The following STRADA variants were observed in gnomAD, a reference collection of about 807,000 sequenced individuals.
STRADA encodes STE20-related kinase adapter protein alpha.
In STRADA, 26 loss-of-function variants were observed where a neutral mutation model predicts 55.0. The observed-to-expected ratio is 0.47, with a 90% confidence interval of 0.35 to 0.66. The LOEUF is 0.66. STRADA is among the 30% of genes least tolerant of loss of function. The pLI is 0.01. For synonymous variants in STRADA, 197 were observed against 210.9 expected, an observed-to-expected ratio of 0.93 and a Z score of 0.57; for missense variants, 443 against 549.7, an observed-to-expected ratio of 0.81 and a Z score of 1.94.
At chr17:63,713,380 C>A in intron 6 of STRADA, 26 bp downstream of exon 6, 1 of 1,609,606 alleles carries the variant, frequency 6.2e-7, no homozygotes, top group Non-Finnish European at 8.5e-7. Context: ...ACCCTCCCTC[C>A]ATGTGACACA....
intron 1 of STRADA, among the ~76,000 whole-genome samples, chr17:63,736,370 G>A (rs551142067): frequency 6.6e-6 from 1 of 151,876 alleles, no homozygotes; most frequent in South Asian, 2.1e-4. Flanking sequence ...GCTCACTCCT[G>A]TAATCCCAGA....
chr17:63,723,230 ACACAAACTTC>A, intron 4 of STRADA, 58 bp downstream of exon 4: 1 of 1,544,720 alleles, frequency 6.5e-7, no homozygotes, highest in Non-Finnish European at 8.9e-7. Context: ...CCAACAAAAC[ACACAAACTTC>A]CACAAGAAGT....
intron 4 of STRADA, chr17:63,715,343 T>G (rs1361230256): frequency 6.6e-6 from 1 of 152,226 alleles, no homozygotes; most frequent in Non-Finnish European, 1.5e-5. Context: ...TTATGTGACT[T>G]GCCAAAAATC....
At chr17:63,726,930 T>G in intron 2 of STRADA, 1 of 567,082 alleles carries the variant, frequency 1.8e-6, no homozygotes, top group Admixed American at 3.3e-5. Flanking sequence ...AGATGAGAAA[T>G]AGATAGTACT....
chr17:63,711,588 T>G (rs1245458466), intron 6 of STRADA, among the ~76,000 whole-genome samples: 5 of 151,970 alleles, frequency 3.3e-5, no homozygotes, highest in African/African-American at 1.2e-4. Flanking sequence ...CCCAAAGTGC[T>G]GGGATTGCAG....
intron 1 of STRADA, among the ~76,000 whole-genome samples, chr17:63,731,146 G>A (rs1428890794): frequency 6.6e-6 from 1 of 151,544 alleles, no homozygotes; most frequent in Non-Finnish European, 1.5e-5. Context: ...GTTCCACCAT[G>A]TTGGCCAGGA....
intron 6 of STRADA, among the ~76,000 whole-genome samples, chr17:63,711,213 T>C (rs1398571968): frequency 6.6e-6 from 1 of 152,214 alleles, no homozygotes; most frequent in African/African-American, 2.4e-5. Context: ...GTTGTTGTTA[T>C]TTGTAGAGAC....
intron 9 of STRADA, 126 bp from the exon 10 acceptor site, chr17:63,706,865 G>T: frequency 1.4e-6 from 1 of 717,540 alleles, no homozygotes; most frequent in Non-Finnish European, 2.4e-6. Context: ...GACTCTCCTT[G>T]CCTGTGCTAC....
chr17:63,713,977 A>C, intron 5 of STRADA, 29 bp downstream of exon 5: 5 of 1,582,824 alleles, frequency 3.2e-6, no homozygotes, highest in Non-Finnish European at 4.3e-6. Context: ...AGCAGAAAGC[A>C]GGAGAGTAAG....
intron 4 of STRADA, among the ~76,000 whole-genome samples, chr17:63,717,396 C>G (rs2036965744): frequency 6.6e-6 from 1 of 152,178 alleles, no homozygotes; most frequent in African/African-American, 2.4e-5. Flanking sequence ...TAGCCTCTGC[C>G]TTTTGGGTTT....
At chr17:63,704,953 CG>C in intron 10 of STRADA, 1 of 1,514,410 alleles carries the variant, frequency 6.6e-7, no homozygotes, top group Non-Finnish European at 8.9e-7. Flanking sequence ...GAAGCCCAGC[CG>C]TCTGCCATGC....
At chr17:63,712,996 G>A (rs141501976) in intron 6 of STRADA, among the ~76,000 whole-genome samples, 1,061 of 99,394 alleles carry the variant, frequency 0.011, 16 homozygotes, top group African/African-American at 0.046. Flanking sequence ...GTGAGAATCC[G>A]TCTCAAAAAA....
At chr17:63,703,905 T>C in intron 12 of STRADA, 100 bp downstream of exon 12, 2 of 1,606,702 alleles carry the variant, frequency 1.2e-6, no homozygotes, top group East Asian at 4.5e-5. Context: ...GGAAGCGGGG[T>C]AGTTTCTCTC....
chr17:63,703,480 G>T lies in STRADA; in HGVS notation c.*119C>A. 2 of 990,490 alleles carry T rather than the reference G, an allele frequency of 2.0e-6. No homozygotes were observed. Among genetic ancestry groups the T allele is most frequent in the Non-Finnish European group, 2.9e-6 (2 of 680,858 alleles). 61.4% of individuals were successfully genotyped at this position (990,490 alleles called of 1,614,324 possible). A position where few individuals can be genotyped will look rare whatever the true frequency, so the allele number is the denominator to read the frequency against. On this transcript the variant is annotated 3_prime_UTR_variant, in exon 13 of 13. Coordinates refer to ENST00000336174, the MANE Select transcript of STRADA (RefSeq NM_001003787.4). ...CAATCAGTCAGCAGTCAACTTTCCTGGAAGAATGTCCTTTCTACCCAATCT... is the reference window on the plus strand; with the variant it reads ...CAATCAGTCAGCAGTCAACTTTCCTTGAAGAATGTCCTTTCTACCCAATCT...
At chr17:63,715,424 G>A (rs1243967473) in intron 4 of STRADA, 1 of 152,208 alleles carries the variant, frequency 6.6e-6, no homozygotes, top group Non-Finnish European at 1.5e-5. Flanking sequence ...GTTGGCTGAC[G>A]TTTCACGTGT....
At chr17:63,739,197 G>A (rs1172041935) in intron 1 of STRADA, among the ~76,000 whole-genome samples, 1 of 148,348 alleles carries the variant, frequency 6.7e-6, no homozygotes, top group Non-Finnish European at 1.5e-5. Flanking sequence ...GAGAGATAGA[G>A]ATGAGACTGG....
At chr17:63,729,581 T>A (rs2144184286) in intron 1 of STRADA, among the ~76,000 whole-genome samples, 1 of 152,090 alleles carries the variant, frequency 6.6e-6, no homozygotes, top group South Asian at 2.1e-4. Context: ...GGTCAGGAGT[T>A]CGAGACTAGC....
Position 63,735,958 on chromosome 17 carries a change from A to G in STRADA, c.-45+5783T>C, listed in dbSNP as rs139754063. Among the ~76,000 whole-genome samples, 685 of 151,502 alleles carry G rather than the reference A, an allele frequency of 4.5e-3. 5 individuals are homozygous for G. Among genetic ancestry groups the G allele is most frequent in the African/African-American group, 0.016 (647 of 41,336 alleles). On this transcript the variant is annotated intron_variant, in intron 1 of 12. Transcript: ENST00000336174. ...TTTCTATTCCTCTTTTTTTTTTGAG[A>G]CGGAGTCTGGCTCTGTCGCCCAGGC...
intron 4 of STRADA, among the ~76,000 whole-genome samples, chr17:63,714,815 C>T (rs2036744590): frequency 6.6e-6 from 1 of 152,300 alleles, no homozygotes; most frequent in South Asian, 2.1e-4. Flanking sequence ...CCTCTAAGGT[C>T]CTAGAGGAAG....
Sources: gnomAD v4.1 joint callset for allele counts (sites outside exome capture counted in the v4.1 genomes callset) on GRCh38, gnomAD v4.1.1 for gene constraint, MANE v1.5 for transcripts, NCBI Gene and HGNC (gene_info 2026-07-23, HGNC 2026-07-21) for gene names.